Variants in ZIC4 observed in about 807,000 individuals in gnomAD.
The protein encoded by ZIC4 is Zic family zinc finger 4, also known as zinc finger protein ZIC 4.
ZIC4 carries 15 observed loss-of-function variants against 28.8 expected under a neutral mutation model. That is an observed-to-expected ratio of 0.52 (90% CI 0.35 to 0.80). The LOEUF (loss-of-function observed/expected upper bound fraction) is 0.80, where lower values mean the gene tolerates loss of function less well. Ranked by LOEUF, ZIC4 falls within the 30% of genes least tolerant of loss-of-function variation. The probability of loss-of-function intolerance (pLI) is 0.01; values close to 1 mark genes in which losing one functional copy is unlikely to be tolerated. For missense variants in ZIC4, 512 were observed against 467.1 expected (o/e 1.10, Z -0.89); for synonymous variants, 220 against 198.1 (o/e 1.11, Z -0.93).
chr3:147,388,804 T>G lies in ZIC4; in HGVS notation c.*55A>C, dbSNP rs1034737260. The G allele has an allele frequency of 1.3e-6, 1 of 770,832 alleles. No homozygotes were observed. Among genetic ancestry groups the G allele is most frequent in the Non-Finnish European group, 2.4e-6 (1 of 415,086 alleles). 47.7% of individuals were successfully genotyped at this position (770,832 alleles called of 1,614,324 possible). A position where few individuals can be genotyped will look rare whatever the true frequency, so the allele number is the denominator to read the frequency against. On this transcript the variant is annotated 3_prime_UTR_variant, in exon 5 of 5. Transcript: ENST00000383075. Reference sequence around the variant, plus strand: ...GCCCTTTGATGTAGCAGGCGCGAGATGCGGGGCGCTCAGCTGCGCGGAGCG... The same window carrying G: ...GCCCTTTGATGTAGCAGGCGCGAGAGGCGGGGCGCTCAGCTGCGCGGAGCG...
chr3:147,401,803 T>G (rs987719810), intron 2 of ZIC4, among the ~76,000 whole-genome samples: 2 of 152,226 alleles, frequency 1.3e-5, no homozygotes, highest in Non-Finnish European at 2.9e-5. Flanking sequence ...GAAAATATAC[T>G]TGGATATGCT....
At chr3:147,402,844 G>A (rs1192410805) in intron 1 of ZIC4, 32 bp from the exon 2 acceptor site, 3 of 1,590,742 alleles carry the variant, frequency 1.9e-6, no homozygotes, top group South Asian at 2.2e-5. Flanking sequence ...ACAGTCACTA[G>A]TTAAACAATT....
intron 3 of ZIC4, among the ~76,000 whole-genome samples, chr3:147,394,639 G>T (rs2087000191): frequency 6.6e-6 from 1 of 152,132 alleles, no homozygotes; most frequent in South Asian, 2.1e-4. Flanking sequence ...TGGTGAGGGG[G>T]TGAGATCCAT....
At chr3:147,400,519 C>CT (rs1241753625) in intron 2 of ZIC4, among the ~76,000 whole-genome samples, 1 of 152,140 alleles carries the variant, frequency 6.6e-6, no homozygotes, top group African/African-American at 2.4e-5. Flanking sequence ...GTCAGTAGAC[C>CT]TGCAGGTCAC....
chr3:147,401,901 A>G (rs947860558), intron 2 of ZIC4, among the ~76,000 whole-genome samples: 2 of 152,208 alleles, frequency 1.3e-5, no homozygotes, highest in African/African-American at 4.8e-5. Flanking sequence ...AGTATTAAAG[A>G]ATCAAAACAA....
rs1469455359 is a variant in ZIC4 at position 147,391,073 on chromosome 3, G to A, written c.862C>T (p.His288Tyr). 1.2e-6 allele frequency: 2 copies of A among 1,613,914 alleles called. No individual in the cohort carries two copies. Among genetic ancestry groups the A allele is most frequent in the African/African-American group, 2.7e-5 (2 of 74,960 alleles). Reference sequence around the variant, plus strand: ...GAGCTGGGCGGCGGCGAGCGCCCGTGCACCTTCATGTGCTTACGCAGCGAG... The same window carrying A: ...GAGCTGGGCGGCGGCGAGCGCCCGTACACCTTCATGTGCTTACGCAGCGAG... ...PSSLRKHMKV[H>Y]GRSPPPSSGY... is the part of the protein sequence containing the mutation. The change falls in exon 4 of 5, where the codon CAC (histidine) becomes TAC (tyrosine). Residue 288 changes from histidine to tyrosine, a missense_variant. This residue lies in a region of ZIC4 where 144 missense variants were observed against 116.8 expected (regional missense o/e 1.23). Transcript: ENST00000383075.
intron 2 of ZIC4, among the ~76,000 whole-genome samples, chr3:147,401,650 C>T (rs532055363): frequency 2.0e-5 from 3 of 152,156 alleles, no homozygotes; most frequent in Non-Finnish European, 2.9e-5. Flanking sequence ...TAACATAAGC[C>T]CCAGGAGGCC....
At chr3:147,388,917 T>C (rs2086849744) in intron 4 of ZIC4, 58 bp from the exon 5 acceptor site, 1 of 775,568 alleles carries the variant, frequency 1.3e-6, no homozygotes, top group East Asian at 2.4e-5. Flanking sequence ...CATTTTGTTT[T>C]ATTTCATTAT....
chr3:147,390,783 T>C, intron 4 of ZIC4, 148 bp downstream of exon 4: 1 of 1,094,646 alleles, frequency 9.1e-7, no homozygotes, highest in Non-Finnish European at 1.3e-6. Context: ...CGTGGCCTAC[T>C]CTGCATTCGG....
intron 2 of ZIC4, among the ~76,000 whole-genome samples, chr3:147,401,086 C>A (rs1223870738): frequency 6.6e-6 from 1 of 152,216 alleles, no homozygotes; most frequent in Non-Finnish European, 1.5e-5. Context: ...TATTCCACCA[C>A]TAGACCCCAA....
chr3:147,401,421 G>A (rs920158988), intron 2 of ZIC4, among the ~76,000 whole-genome samples: 1 of 152,214 alleles, frequency 6.6e-6, no homozygotes, highest in African/African-American at 2.4e-5. Flanking sequence ...CAGGAGGTGG[G>A]CCTTACTCAG....
intron 2 of ZIC4, among the ~76,000 whole-genome samples, chr3:147,401,392 T>C (rs995337865): frequency 3.9e-5 from 6 of 152,254 alleles, no homozygotes; most frequent in African/African-American, 1.4e-4. Context: ...TGATTGTTTA[T>C]TGTAAGTTAT....
At chr3:147,389,060 T>C (rs371961944) in intron 4 of ZIC4, 2 of 601,290 alleles carry the variant, frequency 3.3e-6, no homozygotes, top group Non-Finnish European at 6.0e-6. Flanking sequence ...TGCACCTTAG[T>C]GGTGGGGTTG....
intron 3 of ZIC4, chr3:147,391,621 A>T (rs1196680863): frequency 5.5e-6 from 1 of 181,656 alleles, no homozygotes; most frequent in Non-Finnish European, 1.1e-5. Context: ...TTAACGGAGG[A>T]GCTCACAATA....
At chr3:147,404,851 C>T (rs1427008625) in intron 1 of ZIC4, among the ~76,000 whole-genome samples, 1 of 152,218 alleles carries the variant, frequency 6.6e-6, no homozygotes, top group Admixed American at 6.5e-5. Context: ...GGTCAGAGGT[C>T]AGCTGCAGCT....
At chr3:147,392,063 C>G (rs1371665582) in intron 3 of ZIC4, 1 of 985,432 alleles carries the variant, frequency 1.0e-6, no homozygotes, top group South Asian at 4.7e-5. Context: ...CTGTGGGCAG[C>G]TGGCCCTCCC....
In ZIC4 at chr3:147,396,659, G is replaced by C; in HGVS notation, c.71-190C>G. On this transcript the variant is annotated intron_variant, in intron 2 of 4. Transcript: ENST00000383075. The surrounding 1 kb of genome is among the most constrained non-coding windows in gnomAD (Gnocchi z 4.2). Reference sequence around the variant, plus strand: ...GGCCAAACACCTCCGCCGCCATTGGGCCGAATTGCTGTTGGGCCAAGTCCC... The same window carrying C: ...GGCCAAACACCTCCGCCGCCATTGGCCCGAATTGCTGTTGGGCCAAGTCCC... 1 of 645,278 alleles carries C rather than the reference G, an allele frequency of 1.5e-6. No homozygotes were observed. The highest frequency in any genetic ancestry group is 2.4e-6 in the Non-Finnish European group (1 of 421,486). 40.0% of individuals were successfully genotyped at this position (645,278 alleles called of 1,614,324 possible).
At chr3:147,401,145 C>A (rs1050145398) in intron 2 of ZIC4, among the ~76,000 whole-genome samples, 1 of 152,158 alleles carries the variant, frequency 6.6e-6, no homozygotes, top group African/African-American at 2.4e-5. Context: ...CAGAATCATG[C>A]CCTAAGCACT....
At chr3:147,392,183 C>T in intron 3 of ZIC4, 1 of 985,658 alleles carries the variant, frequency 1.0e-6, no homozygotes, top group Middle Eastern at 5.2e-4. Context: ...CCGCACAGGC[C>T]AAATGGGATC....
Sources: gnomAD v4.1 joint callset for allele counts (sites outside exome capture counted in the v4.1 genomes callset) on GRCh38, gnomAD v4.1.1 for gene constraint, gnomAD v4.1.1 regional missense constraint, Gnocchi (gnomAD v3.1) non-coding constraint, MANE v1.5 for transcripts, NCBI Gene and HGNC (gene_info 2026-07-23, HGNC 2026-07-21) for gene names.